Variants in AXDND1 observed in about 807,000 individuals in gnomAD.
AXDND1 encodes the protein axonemal dynein light chain domain containing 1, also known as axonemal dynein light chain domain-containing protein 1.
A neutral mutation model predicts 137.5 loss-of-function variants in AXDND1; 110 were observed. The ratio of observed to expected loss-of-function variants is 0.80; its 90% CI spans 0.69 to 0.94. AXDND1 has a LOEUF of 0.94. AXDND1 is among the 40% of genes least tolerant of loss of function. The pLI, the probability that AXDND1 is intolerant of heterozygous loss-of-function variation, is 0.00. For synonymous variants in AXDND1, 414 were observed against 399.7 expected (o/e 1.04, Z -0.43); for missense variants, 1,191 against 1,169.8 (o/e 1.02, Z -0.26).
chr1:179,533,426 T>G (rs1007801128), intron 23 of AXDND1, among the ~76,000 whole-genome samples: 9 of 152,326 alleles, frequency 5.9e-5, no homozygotes, highest in Admixed American at 5.2e-4. Flanking sequence ...GATATACAAG[T>G]TAGCTTCCTT....
At chr1:179,427,419 A>G (rs1656741362) in intron 12 of AXDND1, among the ~76,000 whole-genome samples, 1 of 152,154 alleles carries the variant, frequency 6.6e-6, no homozygotes, top group South Asian at 2.1e-4. Flanking sequence ...ACTAATTTTT[A>G]AAAATAAACT....
At chr1:179,437,057 G>T (rs4360482) in intron 15 of AXDND1, among the ~76,000 whole-genome samples, 123,969 of 141,782 alleles carry the variant, frequency 0.87, 54,160 homozygotes, top group Admixed American at 0.9. Flanking sequence ...ATCTATAAAA[G>T]AGACACTCAC....
intron 12 of AXDND1, among the ~76,000 whole-genome samples, chr1:179,427,248 G>T (rs182769200): frequency 1.2e-3 from 180 of 152,218 alleles, no homozygotes; most frequent in African/African-American, 4.2e-3. Flanking sequence ...TCTTCACCAA[G>T]AGAACAGCAA....
At chr1:179,428,905 G>C (rs900928408) in intron 12 of AXDND1, among the ~76,000 whole-genome samples, 1 of 152,024 alleles carries the variant, frequency 6.6e-6, no homozygotes, top group East Asian at 1.9e-4. Context: ...TCTGCCGGGC[G>C]TGGTGGCTCA....
intron 16 of AXDND1, chr1:179,456,826 C>A: frequency 2.5e-6 from 2 of 796,018 alleles, no homozygotes; most frequent in Non-Finnish European, 4.5e-6. Flanking sequence ...CAGTTGTGGC[C>A]ATTCACAGTA....
intron 4 of AXDND1, among the ~76,000 whole-genome samples, chr1:179,373,950 T>C (rs1006162007): frequency 3.3e-5 from 5 of 152,058 alleles, no homozygotes; most frequent in Non-Finnish European, 7.4e-5. Flanking sequence ...CCAAAAGCAA[T>C]GGTAACAAAA....
intron 25 of AXDND1, chr1:179,550,901 G>A (rs1673153096): frequency 1.0e-5 from 5 of 483,372 alleles, no homozygotes; most frequent in South Asian, 8.4e-5. Context: ...ACCACATCTA[G>A]ACTCAAAATT....
chr1:179,484,374 A>G (rs954074356), intron 18 of AXDND1, among the ~76,000 whole-genome samples: 2 of 152,174 alleles, frequency 1.3e-5, no homozygotes, highest in Admixed American at 1.3e-4. Context: ...TCTTAGGGGA[A>G]CTATCAGACC....
intron 9 of AXDND1, among the ~76,000 whole-genome samples, chr1:179,388,462 T>C (rs575778935): frequency 3.3e-5 from 5 of 152,234 alleles, no homozygotes; most frequent in African/African-American, 4.8e-5. Context: ...TAATCTCTTT[T>C]TCATAGTTTC....
intron 12 of AXDND1, among the ~76,000 whole-genome samples, chr1:179,416,143 C>T (rs146328635): frequency 1.3e-5 from 2 of 152,178 alleles, no homozygotes; most frequent in African/African-American, 4.8e-5. Context: ...TCTCTATCTT[C>T]ATGTGATCCA....
At chr1:179,406,505 C>T (rs977728230) in intron 11 of AXDND1, among the ~76,000 whole-genome samples, 3 of 152,072 alleles carry the variant, frequency 2.0e-5, no homozygotes, top group African/African-American at 7.2e-5. Context: ...CTCTTTAGAT[C>T]TAATGTTTGC....
chr1:179,501,482 C>T (rs1194816209), intron 20 of AXDND1, among the ~76,000 whole-genome samples: 4 of 152,016 alleles, frequency 2.6e-5, no homozygotes, highest in Admixed American at 6.6e-5. Flanking sequence ...GAGGCTGAGG[C>T]GGGTGGATCA....
Position 179,382,748 on chromosome 1 carries a change from C to T in AXDND1, c.630C>T (p.Phe210=), listed in dbSNP as rs1245714685. ...LTDSENRLLL[F]PSMKPNKRVE... ...ATAGTGAAAACAGGCTATTGCTCTTCCCATCCATGTAAGTACAGTTTATTT... is the reference window on the plus strand; with the variant it reads ...ATAGTGAAAACAGGCTATTGCTCTTTCCATCCATGTAAGTACAGTTTATTT... The change falls in exon 7 of 26, where the codon TTC becomes TTT. Residue 210 remains phenylalanine (F), a synonymous_variant. Coordinates refer to ENST00000367618, the MANE Select transcript of AXDND1 (RefSeq NM_144696.6). The T allele has an allele frequency of 1.3e-6, 2 of 1,593,266 alleles. No homozygotes were observed. The highest frequency in any genetic ancestry group is 1.3e-5 in the African/African-American group (1 of 74,462).
At chr1:179,383,062 C>CT (rs1648634956) in intron 7 of AXDND1, among the ~76,000 whole-genome samples, 1 of 151,664 alleles carries the variant, frequency 6.6e-6, no homozygotes, top group South Asian at 2.1e-4. Flanking sequence ...TTGCTATAGT[C>CT]TTTTTTTTCC....
At chr1:179,552,784 T>G in intron 25 of AXDND1, 1 of 893,052 alleles carries the variant, frequency 1.1e-6, no homozygotes, top group African/African-American at 1.6e-5. Context: ...TCATGATGAG[T>G]AGCAAATTTG....
intron 21 of AXDND1, among the ~76,000 whole-genome samples, chr1:179,516,658 A>C (rs910846218): frequency 6.6e-6 from 1 of 152,182 alleles, no homozygotes; most frequent in Admixed American, 6.5e-5. Flanking sequence ...CCCTTGATGT[A>C]GTACTCTCCC....
chr1:179,424,200 G>GCCC (rs1656218112), intron 12 of AXDND1, among the ~76,000 whole-genome samples: 2 of 152,024 alleles, frequency 1.3e-5, no homozygotes, highest in African/African-American at 4.8e-5. Context: ...TTCCTGCCCT[G>GCCC]TATGGTTTCC....
At chr1:179,428,243 A>G (rs1361698268) in intron 12 of AXDND1, among the ~76,000 whole-genome samples, 1 of 152,222 alleles carries the variant, frequency 6.6e-6, no homozygotes, top group Admixed American at 6.5e-5. Flanking sequence ...TTCAGTGGAG[A>G]AAAAAGAAGA....
intron 21 of AXDND1, among the ~76,000 whole-genome samples, chr1:179,510,851 G>A (rs1668973988): frequency 6.6e-6 from 1 of 152,082 alleles, no homozygotes; most frequent in Non-Finnish European, 1.5e-5. Context: ...CATCACTCGA[G>A]TAGTATACAC....
Sources: allele counts gnomAD v4.1 joint callset (sites outside exome capture counted in the v4.1 genomes callset), GRCh38; gene constraint gnomAD v4.1.1; transcripts MANE v1.5; gene names NCBI Gene and HGNC (gene_info 2026-07-23, HGNC 2026-07-21).